Variants in ACSL6 observed in about 807,000 individuals in gnomAD.
ACSL6 encodes the protein acyl-CoA synthetase long chain family member 6.
Under a neutral mutation model 98.2 loss-of-function variants are expected in ACSL6, and 47 were observed. The observed-to-expected ratio is 0.48, with a 90% confidence interval of 0.38 to 0.61. ACSL6 has a LOEUF of 0.61. Among genes scored for constraint, ACSL6 ranks in the 20% least tolerant of loss-of-function variants. ACSL6 has a pLI of 0.00. For synonymous variants in ACSL6, 362 were observed against 336.9 expected, an observed-to-expected ratio of 1.07 and a Z score of -0.82; for missense variants, 761 against 913.4, an observed-to-expected ratio of 0.83 and a Z score of 2.15.
intron 15 of ACSL6, among the ~76,000 whole-genome samples, chr5:131,969,912 T>C (rs988962703): frequency 2.0e-5 from 3 of 152,134 alleles, no homozygotes; most frequent in East Asian, 1.9e-4. Flanking sequence ...TCTTCCAGTG[T>C]GTTAAGGATG....
chr5:131,961,563 G>A (rs376490286), intron 18 of ACSL6, among the ~76,000 whole-genome samples: 1 of 151,798 alleles, frequency 6.6e-6, no homozygotes, highest in East Asian at 2.0e-4. Flanking sequence ...CAGGTGTGGT[G>A]GTGGGCGCCT....
rs1051351286 is a variant in ACSL6, at chr5:131,986,689, G to A, written c.864+133C>T. 3.7e-6 allele frequency: 4 copies of A among 1,093,138 alleles called. No homozygotes were observed. The African/African-American group carries it at 6.1e-5, about 17-fold the overall frequency. 67.7% of individuals were successfully genotyped at this position (1,093,138 alleles called of 1,614,324 possible). On this transcript the variant is annotated intron_variant, in intron 8 of 20. Coordinates refer to ENST00000651883, the MANE Select transcript of ACSL6 (RefSeq NM_001009185.3). ...CACAGAAGTCCTGGACACTCAAGTGGGCATTTCCTGGCTTGCACACAGGAG... is the reference window on the plus strand; with the variant it reads ...CACAGAAGTCCTGGACACTCAAGTGAGCATTTCCTGGCTTGCACACAGGAG...
chr5:132,009,326 T>G (rs1210667305), intron 1 of ACSL6, among the ~76,000 whole-genome samples: 3 of 152,180 alleles, frequency 2.0e-5, no homozygotes, highest in Non-Finnish European at 4.4e-5. Flanking sequence ...AGAGAGACAT[T>G]GCCTCCTGTT....
chr5:131,972,255 G>C (rs1753350531), intron 13 of ACSL6, among the ~76,000 whole-genome samples: 1 of 152,134 alleles, frequency 6.6e-6, no homozygotes, highest in Non-Finnish European at 1.5e-5. Flanking sequence ...CTTTTGAGGA[G>C]GTACAGAAAT....
intron 17 of ACSL6, among the ~76,000 whole-genome samples, chr5:131,965,060 C>A (rs773196683): frequency 5.3e-5 from 8 of 152,196 alleles, no homozygotes; most frequent in Non-Finnish European, 1.2e-4. Context: ...ACTGGAGATA[C>A]ATCTTTGTCT....
chr5:131,962,675 C>T lies in ACSL6; in HGVS notation c.1717G>A (p.Gly573Arg), dbSNP rs1174197327. The T allele has an allele frequency of 6.2e-7, 1 of 1,613,990 alleles. No homozygotes were observed. The highest frequency in any genetic ancestry group is 1.7e-4 in the Middle Eastern group (1 of 6,060). The change falls in exon 18 of 21, where the codon GGA becomes AGA. Residue 573 changes from glycine (G) to arginine (R), a missense_variant. By Grantham distance (125) the Gly-to-Arg change is moderately radical (BLOSUM62 -2). Coordinates refer to ENST00000651883, the MANE Select transcript of ACSL6 (RefSeq NM_001009185.3). ...TTCCGATCAATAATTTTAAGAGTTC[C>T]TGCCTGTAGAGTTGGACAAACAGCT... ...TGDIGKWLPAGTLKIIDRKKH... is the reference protein window; with the variant it reads ...TGDIGKWLPARTLKIIDRKKH...
chr5:131,988,777 T>C, intron 6 of ACSL6, 28 bp downstream of exon 6: 2 of 1,608,444 alleles, frequency 1.2e-6, no homozygotes, highest in Non-Finnish European at 1.7e-6. Flanking sequence ...CAGTTGCCAG[T>C]GGCAGGGTGG....
chr5:131,961,960 G>A (rs997730652), intron 18 of ACSL6, among the ~76,000 whole-genome samples: 3 of 152,048 alleles, frequency 2.0e-5, no homozygotes, highest in South Asian at 2.1e-4. Flanking sequence ...AGAATCACTC[G>A]AGCTCAGGAG....
In ACSL6 at chr5:131,951,428, T is replaced by C. The variant is rs1473594329; in HGVS notation, c.*2806A>G. 1 of 202,756 alleles carries C rather than the reference T, an allele frequency of 4.9e-6. No homozygotes were observed. The highest frequency in any genetic ancestry group is 1.0e-5 in the Non-Finnish European group (1 of 98,768). 12.6% of individuals were successfully genotyped at this position (202,756 alleles called of 1,614,324 possible). A position where few individuals can be genotyped will look rare whatever the true frequency, so the allele number is the denominator to read the frequency against. ...GGCATTAAACAGAGAAATAGATAAA[T>C]GTACATGCAAGATATTTAGGGTACA... On this transcript the variant is annotated 3_prime_UTR_variant, in exon 21 of 21. Coordinates refer to ENST00000651883, the MANE Select transcript of ACSL6 (RefSeq NM_001009185.3).
chr5:131,967,111 G>A lies in ACSL6; in HGVS notation c.1597-579C>T, dbSNP rs116373306. On this transcript the variant is annotated intron_variant, in intron 16 of 20. Transcript: ENST00000651883. ...TGTAATCCCAGTGCTTTGGGAAGCC[G>A]AGGCAGGAAGGATTGCTTGAGGCCA... Among the ~76,000 whole-genome samples the A allele has an allele frequency of 7.9e-3, 1,200 of 152,206 alleles. 20 individuals carry two copies. The highest frequency in any genetic ancestry group is 0.027 in the African/African-American group (1,135 of 41,518).
At chr5:132,012,178 G>C, upstream of ACSL6, 3 of 450,510 alleles carry the variant, frequency 6.7e-6, no homozygotes, top group Non-Finnish European at 1.2e-5. Flanking sequence ...GGGAGCCTCC[G>C]GGTGCCACCT....
intron 19 of ACSL6, among the ~76,000 whole-genome samples, chr5:131,959,975 G>C (rs1265760099): frequency 6.6e-6 from 1 of 152,158 alleles, no homozygotes; most frequent in Non-Finnish European, 1.5e-5. Flanking sequence ...GACTCAAGGG[G>C]CTACACTGAG....
At chr5:131,979,590 A>C (rs537197462) in intron 9 of ACSL6, among the ~76,000 whole-genome samples, 1 of 152,360 alleles carries the variant, frequency 6.6e-6, no homozygotes, top group South Asian at 2.1e-4. Context: ...GCCATTTTAT[A>C]CATGTCTAAT....
Position 131,992,457 on chromosome 5 carries a change from A to C in ACSL6, c.271-1490T>G, listed in dbSNP as rs147275643. ...CTGTCTCCTTTGCCTACTCCGGTGC[A>C]GCCACTCTGGCTTTCTGGGCTCCTG... On this transcript the variant is annotated intron_variant, in intron 2 of 20. Transcript: ENST00000651883. 4.4e-3 allele frequency among the ~76,000 whole-genome samples: 668 copies of C among 152,242 alleles called. 6 individuals are homozygous for C. Among genetic ancestry groups the C allele is most frequent in the African/African-American group, 0.015 (633 of 41,522 alleles).
intron 1 of ACSL6, among the ~76,000 whole-genome samples, chr5:131,996,776 T>A (rs1402266075): frequency 6.6e-6 from 1 of 152,200 alleles, no homozygotes; most frequent in Non-Finnish European, 1.5e-5. Flanking sequence ...CCTCTTCTCA[T>A]CTAGCTCAGA....
intron 4 of ACSL6, 126 bp downstream of exon 4, chr5:131,989,974 T>C: frequency 1.9e-6 from 2 of 1,030,570 alleles, no homozygotes; most frequent in South Asian, 1.6e-5. Context: ...TGCCAGGAGT[T>C]TGGCAGACAG....
rs1437708751 is a variant in ACSL6 at position 131,950,512 on chromosome 5, A to G, written c.*3722T>C. ...TCTTTTCATGTAAATGCTTCCTTAA[A>G]ATTAAAACCGGCAAGGAAATACAGC... is the stretch of plus-strand genomic sequence containing the variant. On this transcript the variant is annotated 3_prime_UTR_variant, in exon 21 of 21. Transcript: ENST00000651883. The G allele has an allele frequency of 4.9e-6, 1 of 203,544 alleles. No homozygotes were observed. The highest frequency in any genetic ancestry group is 2.3e-5 in the African/African-American group (1 of 43,754). The allele number at this position is 203,544 out of a possible 1,614,324, so 12.6% of individuals were successfully genotyped here.
intron 1 of ACSL6, among the ~76,000 whole-genome samples, chr5:132,009,641 C>T (rs1431013595): frequency 1.3e-5 from 2 of 152,196 alleles, no homozygotes; most frequent in South Asian, 2.1e-4. Flanking sequence ...CCCCAAGAAT[C>T]GCTCCTGCTT....
chr5:131,950,925 T>A lies in ACSL6; in HGVS notation c.*3309A>T, dbSNP rs771495354. The A allele has an allele frequency of 1.0e-5, 2 of 190,900 alleles. No individual in the cohort carries two copies. Among genetic ancestry groups the A allele is most frequent in the Non-Finnish European group, 2.2e-5 (2 of 91,078 alleles). 11.8% of individuals were successfully genotyped at this position (190,900 alleles called of 1,614,324 possible). ...ATGACTTGCATAAATGAAGGAGACA[T>A]AAAATGTTTAATCCTTGGATTTCTG... On this transcript the variant is annotated 3_prime_UTR_variant, in exon 21 of 21. Coordinates refer to ENST00000651883, the MANE Select transcript of ACSL6 (RefSeq NM_001009185.3).
Sources: gnomAD v4.1 joint callset for allele counts (sites outside exome capture counted in the v4.1 genomes callset) on GRCh38, gnomAD v4.1.1 for gene constraint, MANE v1.5 for transcripts, NCBI Gene and HGNC (gene_info 2026-07-23, HGNC 2026-07-21) for gene names.